The following HEATR4 variants were observed in gnomAD, a reference collection of about 807,000 sequenced individuals.
The protein encoded by HEATR4 is HEAT repeat containing 4.
A neutral mutation model predicts 108.8 loss-of-function variants in HEATR4; 95 were observed. The ratio of observed to expected loss-of-function variants is 0.87; its 90% CI spans 0.74 to 1.04. HEATR4 has a LOEUF of 1.04. Ranked by LOEUF, HEATR4 falls within the 50% of genes least tolerant of loss-of-function variation. The pLI, the probability that HEATR4 is intolerant of heterozygous loss-of-function variation, is 0.00. For missense variants in HEATR4, 1,152 were observed against 1,253.8 expected, an observed-to-expected ratio of 0.92 and a Z score of 1.23; for synonymous variants, 443 against 459.4, an observed-to-expected ratio of 0.96 and a Z score of 0.46.
At chr14:73,569,098 G>A in the HEATR4 span, 1 of 985,788 alleles carries the variant, frequency 1.0e-6, no homozygotes, top group African/African-American at 1.6e-5. Context: ...ATAAAGTGGA[G>A]GTTTCAACAC....
At chr14:73,545,337 G>T (rs1889215694) in intron 1 of HEATR4, among the ~76,000 whole-genome samples, 1 of 108,496 alleles carries the variant, frequency 9.2e-6, no homozygotes, top group South Asian at 3.0e-4. Flanking sequence ...TGAAATTACA[G>T]GTGTGAGCCA....
rs184973348 is a variant in HEATR4 at position 73,519,123 on chromosome 14, G to A, written c.1110C>T (p.Asp370=). 1 of 1,613,810 alleles carries A rather than the reference G, an allele frequency of 6.2e-7. No individual in the cohort carries two copies. Among genetic ancestry groups the A allele is most frequent in the South Asian group, 1.1e-5 (1 of 91,016 alleles). ...QIIHQIGAKR[D]QIVLENLNRY... ...GATTTAGGTTTTCCAGGACAATCTG[G>A]TCTCTCTTTGCACCAATCTGGTGGA... is the stretch of plus-strand genomic sequence containing the variant. The change falls in exon 5 of 18, where the codon GAC becomes GAT. Residue 370 remains aspartate, a synonymous_variant. Transcript: ENST00000553558.
the HEATR4 span, chr14:73,569,746 A>G: frequency 6.2e-7 from 1 of 1,609,346 alleles, no homozygotes; most frequent in East Asian, 2.2e-5. Context: ...GTGGAGCTGG[A>G]GGTGCTGGAT....
At chr14:73,481,562 C>T (rs11621702) in intron 17 of HEATR4, among the ~76,000 whole-genome samples, 12,788 of 152,062 alleles carry the variant, frequency 0.084, 764 homozygotes, top group Middle Eastern at 0.17. Flanking sequence ...AAAAAAAGGC[C>T]GGGCATGGTG....
In HEATR4 at chr14:73,523,223, A is replaced by G; in HGVS notation, c.-71T>C. The G allele has an allele frequency of 7.0e-7, 1 of 1,434,644 alleles. No homozygotes were observed. The highest frequency in any genetic ancestry group is 9.3e-7 in the Non-Finnish European group (1 of 1,079,526). The allele number at this position is 1,434,644 out of a possible 1,614,324, so 88.9% of individuals were successfully genotyped here. On this transcript the variant is annotated splice_region_variant and 5_prime_UTR_variant, in exon 3 of 18. Transcript: ENST00000553558. The stretch of plus-strand genomic sequence containing the variant: ...GAAAGGCCTGGAGATGAGACCTGGC[A>G]CCTGTTAAGGGAATGGGAGGAACTG...
At chr14:73,613,683 T>C in the HEATR4 span, among the ~76,000 whole-genome samples, 42 of 152,298 alleles carry the variant, frequency 2.8e-4, no homozygotes, top group African/African-American at 9.9e-4. Context: ...TATTGGCATC[T>C]AGCAGGCAGA....
chr14:73,570,765 C>T, the HEATR4 span, among the ~76,000 whole-genome samples: 18 of 151,060 alleles, frequency 1.2e-4, no homozygotes, highest in South Asian at 2.1e-4. Flanking sequence ...ATTAGCCAGG[C>T]GTGGTGGTGC....
At chr14:73,579,255 T>A in the HEATR4 span, among the ~76,000 whole-genome samples, 3 of 75,502 alleles carry the variant, frequency 4.0e-5, no homozygotes, top group Non-Finnish European at 7.3e-5. Flanking sequence ...AAATTCCGTC[T>A]CAAAAAAATT....
chr14:73,516,685 C>T lies in HEATR4; in HGVS notation c.1210+2338G>A, dbSNP rs543833634. On this transcript the variant is annotated intron_variant, in intron 5 of 17. Coordinates refer to ENST00000553558, the MANE Select transcript of HEATR4 (RefSeq NM_001220484.1). ...TACCAGTTCATGGCCTGTTAGGAACCGGGCCACCACAACAGGATGTGAGTG... is the reference window on the plus strand; with the variant it reads ...TACCAGTTCATGGCCTGTTAGGAACTGGGCCACCACAACAGGATGTGAGTG... Among the ~76,000 whole-genome samples, 14 of 152,268 alleles carry T rather than the reference C, an allele frequency of 9.2e-5. 1 individual carries two copies. Among genetic ancestry groups the T allele is most frequent in the Admixed American group, 1.3e-4 (2 of 15,296 alleles).
chr14:73,570,736 C>G, the HEATR4 span, among the ~76,000 whole-genome samples: 8,952 of 151,672 alleles, frequency 0.059, 332 homozygotes, highest in Middle Eastern at 0.095. Flanking sequence ...GAAACCCCAT[C>G]TCTACTAAAA....
In HEATR4 at chr14:73,536,265, G is replaced by C. The variant is rs373752451; in HGVS notation, c.-151-6021C>G. On this transcript the variant is annotated intron_variant, in intron 1 of 17. Transcript: ENST00000553558. ...CCAAGATAGGAAATTATGAAATCAG[G>C]TACAAGGGCTTGGGAGGGGCCTAAA... Among the ~76,000 whole-genome samples the C allele has an allele frequency of 3.4e-4, 38 of 111,044 alleles. 7 individuals are homozygous for C. The South Asian group carries it at 0.011, about 31-fold the overall frequency. 72.8% of individuals were successfully genotyped at this position (111,044 alleles called of 152,430 possible). A position where few individuals can be genotyped will look rare whatever the true frequency, so the allele number is the denominator to read the frequency against.
At chr14:73,611,488 C>G in the HEATR4 span, 1 of 152,266 alleles carries the variant, frequency 6.6e-6, no homozygotes, top group Middle Eastern at 3.4e-3. Context: ...TAGATAGTAC[C>G]TTTATAAAAC....
intron 10 of HEATR4, among the ~76,000 whole-genome samples, chr14:73,505,125 C>T (rs1398606330): frequency 6.6e-6 from 1 of 152,098 alleles, no homozygotes; most frequent in Non-Finnish European, 1.5e-5. Flanking sequence ...CCATGATGAC[C>T]AGGCTGGTTT....
chr14:73,541,367 G>A lies in HEATR4; in HGVS notation c.-151-11123C>T, dbSNP rs66713913. 344,652 of 789,322 alleles carry A rather than the reference G, an allele frequency of 0.44. 125,777 individuals are homozygous for A. The highest frequency in any genetic ancestry group is 0.61 in the Admixed American group (21,577 of 35,188). The allele number at this position is 789,322 out of a possible 1,614,324, so 48.9% of individuals were successfully genotyped here. On this transcript the variant is annotated intron_variant, in intron 1 of 17. Transcript: ENST00000553558. ...ACGAACACAGGTTTTCATTTCTCGT[G>A]GGTAGATACCTAGGAGTGGGATTGC... is the stretch of plus-strand genomic sequence containing the variant.
chr14:73,529,354 CA>C (rs10605851), intron 2 of HEATR4, among the ~76,000 whole-genome samples: 3,679 of 87,312 alleles, frequency 0.042, 216 homozygotes, highest in East Asian at 0.41. Context: ...GACTCTGTCT[CA>C]AAAAAAAAAA....
At chr14:73,573,529 T>G in the HEATR4 span, 5 of 1,613,604 alleles carry the variant, frequency 3.1e-6, no homozygotes, top group African/African-American at 2.7e-5. Context: ...CCCAAGACCA[T>G]GGAGACGCTC....
chr14:73,588,004 ATT>A, the HEATR4 span, among the ~76,000 whole-genome samples: 23 of 140,896 alleles, frequency 1.6e-4, no homozygotes, highest in African/African-American at 2.1e-4. Context: ...TATTTCTCTC[ATT>A]TTTTTTTTTT....
the HEATR4 span, among the ~76,000 whole-genome samples, chr14:73,570,676 C>G: frequency 1.3e-5 from 2 of 151,868 alleles, no homozygotes; most frequent in Admixed American, 6.6e-5. Flanking sequence ...AGGCCGAGGC[C>G]GGCGGATCAC....
chr14:73,511,902 A>G, intron 7 of HEATR4, 104 bp downstream of exon 7: 1 of 1,430,728 alleles, frequency 7.0e-7, no homozygotes, highest in Non-Finnish European at 9.7e-7. Context: ...TGGTTTCCAC[A>G]TTTGTAAAAT....
Sources: gnomAD v4.1 joint callset for allele counts (sites outside exome capture counted in the v4.1 genomes callset) on GRCh38, gnomAD v4.1.1 for gene constraint, MANE v1.5 for transcripts, NCBI Gene and HGNC (gene_info 2026-07-23, HGNC 2026-07-21) for gene names.